ST3GAL3: variants seen among roughly 807,000 people sequenced by gnomAD.
ST3GAL3 encodes the protein CMP-N-acetylneuraminate-beta-1,4-galactoside alpha-2,3-sialyltransferase.
A neutral mutation model predicts 50.1 loss-of-function variants in ST3GAL3; 21 were observed. That is an observed-to-expected ratio of 0.42 (90% CI 0.30 to 0.60). The LOEUF (loss-of-function observed/expected upper bound fraction) is 0.60, where lower values mean the gene tolerates loss of function less well. Ranked by LOEUF, ST3GAL3 falls within the 20% of genes least tolerant of loss-of-function variation. The pLI is 0.19. For missense variants in ST3GAL3, 353 were observed against 489.4 expected, an observed-to-expected ratio of 0.72 and a Z score of 2.63; for synonymous variants, 183 against 190.0, an observed-to-expected ratio of 0.96 and a Z score of 0.30.
intron 2 of ST3GAL3, among the ~76,000 whole-genome samples, chr1:43,753,016 T>C (rs1686747059): frequency 6.6e-6 from 1 of 152,220 alleles, no homozygotes; most frequent in Non-Finnish European, 1.5e-5. Context: ...GAAATCTTAT[T>C]GATGTAAATA....
intron 9 of ST3GAL3, among the ~76,000 whole-genome samples, chr1:43,908,500 A>G (rs974338597): frequency 2.6e-5 from 4 of 152,190 alleles, no homozygotes; most frequent in Admixed American, 1.3e-4. Context: ...GTTCTCTTTT[A>G]ATAAGCCCTC....
At chr1:43,755,836 C>T (rs1687835089) in intron 2 of ST3GAL3, among the ~76,000 whole-genome samples, 1 of 151,994 alleles carries the variant, frequency 6.6e-6, no homozygotes. Flanking sequence ...ATTGGCCAAG[C>T]ACATTGGCTC....
intron 5 of ST3GAL3, among the ~76,000 whole-genome samples, chr1:43,843,671 T>G (rs2065783143): frequency 6.6e-6 from 1 of 152,238 alleles, no homozygotes; most frequent in Non-Finnish European, 1.5e-5. Flanking sequence ...TTATGAAATG[T>G]TTGATAGAAT....
At chr1:43,865,958 T>C (rs762142321) in intron 5 of ST3GAL3, among the ~76,000 whole-genome samples, 3 of 152,206 alleles carry the variant, frequency 2.0e-5, no homozygotes, top group Non-Finnish European at 4.4e-5. Flanking sequence ...CTCCTTAAGA[T>C]ACGTGGTCTG....
rs896820178 is a variant in ST3GAL3, at chr1:43,707,537, C to T, written c.-187C>T. The stretch of plus-strand genomic sequence containing the variant: ...TCGCGGCCGCGCGCTCCGCCCGCCG[C>T]TGCGTCCCCACTATGGCGGCGCCCA... On this transcript the variant is annotated 5_prime_UTR_variant, in exon 1 of 12. Transcript: ENST00000347631. The T allele has an allele frequency of 6.6e-6, 1 of 152,104 alleles. No individual in the cohort carries two copies. The highest frequency in any genetic ancestry group is 6.6e-5 in the Admixed American group (1 of 15,262). The allele number at this position is 152,104 out of a possible 1,614,324, so 9.4% of individuals were successfully genotyped here.
intron 1 of ST3GAL3, among the ~76,000 whole-genome samples, chr1:43,717,088 C>G (rs1042145721): frequency 6.6e-6 from 1 of 152,218 alleles, no homozygotes; most frequent in African/African-American, 2.4e-5. Flanking sequence ...GCTTCAGCTT[C>G]CCAGAGTCAG....
chr1:43,734,745 G>C (rs546922701), intron 1 of ST3GAL3, among the ~76,000 whole-genome samples: 1 of 151,888 alleles, frequency 6.6e-6, no homozygotes, highest in East Asian at 1.9e-4. Flanking sequence ...TATTCTCTTG[G>C]CTTTCCTAGG....
intron 1 of ST3GAL3, chr1:43,716,516 A>G (rs1158682035): frequency 6.6e-6 from 1 of 152,210 alleles, no homozygotes; most frequent in Admixed American, 6.5e-5. Context: ...TACAGAGAAG[A>G]TTAGGATGAC....
At chr1:43,892,348 C>G (rs952894118) in intron 5 of ST3GAL3, among the ~76,000 whole-genome samples, 2 of 152,142 alleles carry the variant, frequency 1.3e-5, no homozygotes, top group Non-Finnish European at 2.9e-5. Flanking sequence ...GCCTCAACCC[C>G]CCGAGCTCAA....
chr1:43,914,254 A>G (rs994767704), intron 9 of ST3GAL3: 5 of 152,244 alleles, frequency 3.3e-5, no homozygotes, highest in African/African-American at 1.2e-4. Flanking sequence ...TGTGAAGTCA[A>G]ACGCAGCTCA....
intron 2 of ST3GAL3, among the ~76,000 whole-genome samples, chr1:43,750,156 A>G (rs1685475650): frequency 6.6e-6 from 1 of 152,236 alleles, no homozygotes; most frequent in South Asian, 2.1e-4. Flanking sequence ...ATGCCACTTC[A>G]CACCCATTAG....
rs1416559293 is a variant in ST3GAL3 at position 43,930,554 on chromosome 1, A to G, written c.*333A>G. ...TGTTTGGTGTATTATCATTTTGTGAATTTGGGTAGGGGGGAGGGTAGGGAT... is the reference window on the plus strand; with the variant it reads ...TGTTTGGTGTATTATCATTTTGTGAGTTTGGGTAGGGGGGAGGGTAGGGAT... On this transcript the variant is annotated 3_prime_UTR_variant, in exon 12 of 12. Transcript: ENST00000347631. 2 of 428,618 alleles carry G rather than the reference A, an allele frequency of 4.7e-6. No homozygotes were observed. The highest frequency in any genetic ancestry group is 7.1e-5 in the Admixed American group (2 of 28,050). 26.6% of individuals were successfully genotyped at this position (428,618 alleles called of 1,614,324 possible). A position where few individuals can be genotyped will look rare whatever the true frequency, so the allele number is the denominator to read the frequency against.
At chr1:43,724,293 G>A (rs1245746497) in intron 1 of ST3GAL3, among the ~76,000 whole-genome samples, 5 of 151,648 alleles carry the variant, frequency 3.3e-5, no homozygotes, top group Admixed American at 6.6e-5. Flanking sequence ...TAACTGCAAC[G>A]TCTGCCTCCC....
At chr1:43,920,313 C>T (rs1360692060) in intron 9 of ST3GAL3, 91 bp from the exon 10 acceptor site, 3 of 1,549,406 alleles carry the variant, frequency 1.9e-6, no homozygotes, top group Non-Finnish European at 2.7e-6. Context: ...CATGCTCCCG[C>T]CTCACTGTCC....
intron 3 of ST3GAL3, among the ~76,000 whole-genome samples, chr1:43,796,506 T>A (rs1029932124): frequency 9.9e-5 from 15 of 152,198 alleles, no homozygotes; most frequent in African/African-American, 3.6e-4. Context: ...CCAGACTGGA[T>A]GCACACACAG....
intron 5 of ST3GAL3, among the ~76,000 whole-genome samples, chr1:43,888,919 C>G (rs1325196633): frequency 6.6e-6 from 1 of 152,008 alleles, no homozygotes; most frequent in African/African-American, 2.4e-5. Context: ...AGCAAACCCA[C>G]TTTTAGGAAT....
intron 2 of ST3GAL3, among the ~76,000 whole-genome samples, chr1:43,774,149 T>TG (rs1356845106): frequency 3.3e-5 from 5 of 151,980 alleles, no homozygotes; most frequent in East Asian, 1.9e-4. Flanking sequence ...AAGACATACT[T>TG]GGGGGGGCAA....
chr1:43,794,327 T>A (rs1231418022), intron 3 of ST3GAL3, among the ~76,000 whole-genome samples: 1 of 152,214 alleles, frequency 6.6e-6, no homozygotes, highest in African/African-American at 2.4e-5. Flanking sequence ...ATTGTATTAG[T>A]ACTCAGCAAA....
chr1:43,845,885 A>T (rs1467971263), intron 5 of ST3GAL3, among the ~76,000 whole-genome samples: 1 of 152,020 alleles, frequency 6.6e-6, no homozygotes, highest in Non-Finnish European at 1.5e-5. Flanking sequence ...CGTGATTTCT[A>T]CTTCGGCCTA....
Sources: gnomAD v4.1 joint callset for allele counts (sites outside exome capture counted in the v4.1 genomes callset) on GRCh38, gnomAD v4.1.1 for gene constraint, MANE v1.5 for transcripts, NCBI Gene and HGNC (gene_info 2026-07-23, HGNC 2026-07-21) for gene names.